The following ANO10 variants were observed in gnomAD, a reference collection of about 807,000 sequenced individuals.
ANO10 encodes the protein anoctamin-10.
A neutral mutation model predicts 74.7 loss-of-function variants in ANO10; 77 were observed. The ratio of observed to expected loss-of-function variants is 1.03; its 90% CI spans 0.86 to 1.25. The LOEUF (loss-of-function observed/expected upper bound fraction) is 1.25. ANO10 is among the 50% of genes most tolerant of loss of function. The pLI, the probability that ANO10 is intolerant of heterozygous loss-of-function variation, is 0.00. For missense variants in ANO10, 721 were observed against 778.1 expected (o/e 0.93, Z 0.87); for synonymous variants, 279 against 284.9 (o/e 0.98, Z 0.21).
At chr3:43,458,218 C>T (rs1331958747) in intron 11 of ANO10, among the ~76,000 whole-genome samples, 5 of 152,086 alleles carry the variant, frequency 3.3e-5, no homozygotes, top group South Asian at 2.1e-4. Flanking sequence ...ATGCTGACCC[C>T]GGAGTCCTAG....
Position 43,677,675 on chromosome 3 carries a change from G to A in ANO10, c.-12+13842C>T, listed in dbSNP as rs570894069. 5.3e-5 allele frequency among the ~76,000 whole-genome samples: 8 copies of A among 152,292 alleles called. No homozygotes were observed. The East Asian group carries it at 5.8e-4, about 11-fold the overall frequency. Reference sequence around the variant, plus strand: ...TGCATTCAGGTGGTGGGCGGGCTGGGAATTCAAAGCCTTCACTCATAAGTC... The same window carrying A: ...TGCATTCAGGTGGTGGGCGGGCTGGAAATTCAAAGCCTTCACTCATAAGTC... On this transcript the variant is annotated intron_variant, in intron 1 of 3. Transcript: ENST00000413397.
At chr3:43,413,581 T>C (rs2092696522) in intron 12 of ANO10, among the ~76,000 whole-genome samples, 1 of 151,682 alleles carries the variant, frequency 6.6e-6, no homozygotes, top group South Asian at 2.1e-4. Context: ...CCATGCTTCC[T>C]GTGTAGCCTG....
intron 1 of ANO10, among the ~76,000 whole-genome samples, chr3:43,671,507 A>C (rs1333140595): frequency 6.6e-6 from 1 of 152,160 alleles, no homozygotes; most frequent in Non-Finnish European, 1.5e-5. Context: ...TGAAGGTTCA[A>C]TTATTTTGGA....
At chr3:43,503,231 A>G (rs150424364) in intron 11 of ANO10, among the ~76,000 whole-genome samples, 119 of 152,296 alleles carry the variant, frequency 7.8e-4, no homozygotes, top group African/African-American at 2.8e-3. Flanking sequence ...GCTGTTAAAC[A>G]TTACAGGTTT....
chr3:43,488,729 A>C (rs1179859625), intron 11 of ANO10, among the ~76,000 whole-genome samples: 2 of 152,092 alleles, frequency 1.3e-5, no homozygotes, highest in African/African-American at 4.8e-5. Flanking sequence ...GTGGGACTGT[A>C]AACTAGTTCA....
intron 12 of ANO10, among the ~76,000 whole-genome samples, chr3:43,391,072 T>A (rs2092262239): frequency 1.3e-5 from 2 of 152,234 alleles, no homozygotes; most frequent in Non-Finnish European, 2.9e-5. Flanking sequence ...GCTTGATCAC[T>A]CTCTCTGCAG....
At chr3:43,552,075 C>T (rs1337107490) in intron 10 of ANO10, among the ~76,000 whole-genome samples, 1 of 152,044 alleles carries the variant, frequency 6.6e-6, no homozygotes, top group Non-Finnish European at 1.5e-5. Flanking sequence ...CTATAATGTT[C>T]CTGAGTATAT....
chr3:43,675,698 T>A (rs551344191), intron 1 of ANO10, among the ~76,000 whole-genome samples: 2 of 151,870 alleles, frequency 1.3e-5, no homozygotes, highest in South Asian at 2.1e-4. Flanking sequence ...TACACACCCA[T>A]CACTACACAC....
At chr3:43,413,657 G>A (rs1440897567) in intron 12 of ANO10, among the ~76,000 whole-genome samples, 1 of 149,424 alleles carries the variant, frequency 6.7e-6, no homozygotes, top group African/African-American at 2.5e-5. Context: ...TTTCCTTACA[G>A]CAATCCAAGA....
chr3:43,459,089 C>G (rs930875811), intron 11 of ANO10, among the ~76,000 whole-genome samples: 1 of 152,102 alleles, frequency 6.6e-6, no homozygotes, highest in Non-Finnish European at 1.5e-5. Context: ...CTGTTTAATG[C>G]CATTAGGTGG....
At chr3:43,451,131 T>C (rs2074848632) in intron 11 of ANO10, among the ~76,000 whole-genome samples, 1 of 152,204 alleles carries the variant, frequency 6.6e-6, no homozygotes, top group African/African-American at 2.4e-5. Context: ...CTTAAGGAGT[T>C]GGACCTTGAG....
intron 1 of ANO10, among the ~76,000 whole-genome samples, chr3:43,631,775 A>C (rs2083550647): frequency 6.6e-6 from 1 of 151,778 alleles, no homozygotes; most frequent in Admixed American, 6.6e-5. Context: ...AAAAGAAGAA[A>C]GAAAAGAAAA....
chr3:43,602,583 G>A (rs573226551), intron 2 of ANO10, among the ~76,000 whole-genome samples: 1 of 152,276 alleles, frequency 6.6e-6, no homozygotes, highest in Admixed American at 6.5e-5. Flanking sequence ...TGATCCGCCC[G>A]CCTTGGCCTC....
At chr3:43,593,415 C>A (rs923328794) in intron 4 of ANO10, among the ~76,000 whole-genome samples, 1 of 152,206 alleles carries the variant, frequency 6.6e-6, no homozygotes, top group Non-Finnish European at 1.5e-5. Flanking sequence ...GATCTCTCAG[C>A]AGAAACTCTA....
At chr3:43,479,437 G>A (rs908383623) in intron 11 of ANO10, among the ~76,000 whole-genome samples, 1 of 152,002 alleles carries the variant, frequency 6.6e-6, no homozygotes, top group Admixed American at 6.6e-5. Context: ...AATAATCTAT[G>A]AAAAATTACC....
intron 12 of ANO10, among the ~76,000 whole-genome samples, chr3:43,413,910 C>T (rs188210703): frequency 1.2e-4 from 18 of 151,848 alleles, no homozygotes; most frequent in African/African-American, 4.3e-4. Flanking sequence ...TCCATCTCCC[C>T]CTGCCTCCCC....
At chr3:43,612,460 C>G (rs1467880785) in intron 1 of ANO10, among the ~76,000 whole-genome samples, 1 of 152,022 alleles carries the variant, frequency 6.6e-6, no homozygotes, top group Non-Finnish European at 1.5e-5. Context: ...ACCTTCAGCT[C>G]TGTTACCAAG....
At chr3:43,555,534 T>C in intron 9 of ANO10, 65 bp from the exon 10 acceptor site, 2 of 1,505,354 alleles carry the variant, frequency 1.3e-6, no homozygotes, top group South Asian at 1.2e-5. Flanking sequence ...TTTGCAATAC[T>C]AATCAAAGCT....
chr3:43,593,546 G>A (rs1343825772), intron 4 of ANO10, among the ~76,000 whole-genome samples: 1 of 152,166 alleles, frequency 6.6e-6, no homozygotes, highest in Non-Finnish European at 1.5e-5. Context: ...ATACTTTACA[G>A]ACGAGCAAAT....
Sources: allele counts gnomAD v4.1 joint callset (sites outside exome capture counted in the v4.1 genomes callset), GRCh38; gene constraint gnomAD v4.1.1; transcripts MANE v1.5; gene names NCBI Gene and HGNC (gene_info 2026-07-23, HGNC 2026-07-21).